Variants in NEU4 observed in about 807,000 individuals in gnomAD.
NEU4 encodes neuraminidase 4.
In NEU4, 7 loss-of-function variants were observed where a neutral mutation model predicts 9.9. That is an observed-to-expected ratio of 0.71 (90% confidence interval 0.40 to 1.33). The LOEUF (loss-of-function observed/expected upper bound fraction) is 1.33, where lower values mean the gene tolerates loss of function less well. NEU4 is among the 40% of genes most tolerant of loss of function. NEU4 has a pLI of 0.01. For synonymous variants in NEU4, 348 were observed against 316.9 expected (o/e 1.10, Z -1.04); for missense variants, 717 against 712.6 (o/e 1.01, Z -0.07).
Position 241,816,986 on chromosome 2 carries a change from C to A in NEU4, c.1393C>A (p.Pro465Thr), listed in dbSNP as rs749568717. The A allele has an allele frequency of 6.2e-7, 1 of 1,610,476 alleles. No homozygotes were observed. The highest frequency in any genetic ancestry group is 8.5e-7 in the Non-Finnish European group (1 of 1,178,912). The part of the protein sequence containing the change: ...FSLREVLENV[P>T]ASPKPPNLGD... ...CCTGCGTGAGGTCCTGGAGAACGTG[C>A]CCGCCAGCCCCAAACCGCCCAACCT... Residue 465 changes from proline (P) to threonine (T), a missense_variant, in exon 4 of 4, where the codon CCC (proline) becomes ACC (threonine). Physicochemically the swap from Pro to Thr is conservative, Grantham distance 38 (BLOSUM62 -1). Coordinates refer to ENST00000407683, the MANE Select transcript of NEU4 (RefSeq NM_001167600.3).
rs554980524 is a variant in NEU4, at chr2:241,816,205, C to G, written c.612C>G (p.Asp204Glu). Residue 204 changes from aspartate to glutamate, a missense_variant, in exon 4 of 4, where the codon GAC becomes GAG. Transcript: ENST00000407683. ...ACTCCTTCGCCTTCTACAGCGATGA[C>G]CACGGCCGCACCTGGCGCTGTGGAG... ...SPHSFAFYSD[D>E]HGRTWRCGGL... The G allele has an allele frequency of 3.1e-6, 5 of 1,612,548 alleles. No individual in the cohort carries two copies. In the African/African-American group the frequency reaches 6.7e-5, roughly 21 times the overall value.
At chr2:241,814,310 T>C in intron 1 of NEU4, 172 bp from the exon 2 acceptor site, 1 of 643,000 alleles carries the variant, frequency 1.6e-6, no homozygotes, top group South Asian at 1.9e-5. Context: ...GCTCCAGATC[T>C]GGGGTGAGGG....
chr2:241,815,748 A>C, intron 3 of NEU4: 1 of 570,336 alleles, frequency 1.8e-6, no homozygotes, highest in Non-Finnish European at 3.2e-6. Context: ...CACATGGCCA[A>C]CCCAGGGACC....
intron 3 of NEU4, 121 bp downstream of exon 3, chr2:241,815,268 C>G: frequency 8.2e-7 from 1 of 1,220,056 alleles, no homozygotes; most frequent in South Asian, 1.6e-5. Context: ...GGGAACCAAC[C>G]ATCCCTTTCC....
rs1700153531 is a variant in NEU4, at chr2:241,812,482, C to CT, written c.-3-2000_-3-1999insT. On this transcript the variant is annotated intron_variant, in intron 1 of 3. Coordinates refer to ENST00000407683, the MANE Select transcript of NEU4 (RefSeq NM_001167600.3). ...GGGGCTGGCCTCCGAGACAGAGGGG[C>CT]CTGCCGAGGACACGGAGGCTCTGTG... Among the ~76,000 whole-genome samples, 57 of 115,556 alleles carry CT rather than the reference C, an allele frequency of 4.9e-4. 1 individual carries two copies. Among genetic ancestry groups the CT allele is most frequent in the African/African-American group, 1.0e-3 (36 of 34,608 alleles). The allele number at this position is 115,556 out of a possible 152,430, so 75.8% of individuals were successfully genotyped here.
Position 241,814,565 on chromosome 2 carries a change from G to C in NEU4, c.81G>C (p.Leu27=). Residue 27 remains leucine (L), a synonymous_variant, in exon 2 of 4, where the codon CTG becomes CTC. Transcript: ENST00000407683. ...GCCTGACCTACCGCGTGCCCTCGCT[G>C]CTCCCCGTGCCCCCCGGGCCCACCC... ...RTGLTYRVPS[L]LPVPPGPTLL... The C allele has an allele frequency of 6.2e-7, 1 of 1,612,554 alleles. No individual in the cohort carries two copies. Among genetic ancestry groups the C allele is most frequent in the Non-Finnish European group, 8.5e-7 (1 of 1,179,874 alleles).
At position 241,814,475 on chromosome 2, in the gene NEU4, C is replaced by T. The variant is rs748290826; in HGVS notation, c.-3-7C>T. On this transcript the variant is annotated splice_polypyrimidine_tract_variant and splice_region_variant and intron_variant, in intron 1 of 3. Transcript: ENST00000407683. ...TTGCTGACCTGTGGCCCTGTACTGACCAGCAGAGCATGGGGGTCCCTCGTA... is the reference window on the plus strand; with the variant it reads ...TTGCTGACCTGTGGCCCTGTACTGATCAGCAGAGCATGGGGGTCCCTCGTA... The T allele has an allele frequency of 6.2e-7, 1 of 1,610,158 alleles. No homozygotes were observed. Among genetic ancestry groups the T allele is most frequent in the South Asian group, 1.1e-5 (1 of 90,764 alleles).
At chr2:241,815,809 GCAGCGCTCAC>G (rs1298015970) in intron 3 of NEU4, 1 of 595,804 alleles carries the variant, frequency 1.7e-6, no homozygotes, top group Admixed American at 3.0e-5. Context: ...CTCTGTGTGG[GCAGCGCTCAC>G]CAGCCTCCCT....
chr2:241,814,852 C>G, intron 2 of NEU4, 40 bp from the exon 3 acceptor site: 2 of 1,582,956 alleles, frequency 1.3e-6, no homozygotes, highest in Non-Finnish European at 1.7e-6. Context: ...TGCCCAGGTC[C>G]CTGGACGTCC....
intron 1 of NEU4, chr2:241,811,377 G>T: frequency 6.7e-7 from 1 of 1,494,322 alleles, no homozygotes; most frequent in Non-Finnish European, 9.0e-7. Context: ...CTGGCCTGCT[G>T]CCCGCACAGT....
chr2:241,816,875 G>C lies in NEU4; in HGVS notation c.1282G>C (p.Ala428Pro). 1 of 1,612,648 alleles carries C rather than the reference G, an allele frequency of 6.2e-7. No homozygotes were observed. The highest frequency in any genetic ancestry group is 8.5e-7 in the Non-Finnish European group (1 of 1,179,876). ...GYSDLASIGP[A>P]PEGGLVFACL... ...CTCCGACCTGGCGTCCATCGGGCCG[G>C]CCCCTGAGGGGGGCCTGGTTTTTGC... Residue 428 changes from alanine to proline, a missense_variant, in exon 4 of 4, where the codon GCC becomes CCC. Ala to Pro is a conservative substitution (Grantham distance 27). Coordinates refer to ENST00000407683, the MANE Select transcript of NEU4 (RefSeq NM_001167600.3).
intron 3 of NEU4, chr2:241,815,774 A>T: frequency 1.7e-6 from 1 of 584,510 alleles, no homozygotes; most frequent in South Asian, 2.0e-5. Context: ...GCAGGGCCTC[A>T]TGCCCCCCGC....
At chr2:241,810,138 A>C (rs2125206955) in intron 1 of NEU4, among the ~76,000 whole-genome samples, 1 of 152,208 alleles carries the variant, frequency 6.6e-6, no homozygotes, top group South Asian at 2.1e-4. Context: ...TGTGAGCAGG[A>C]GGATGTGTAC....
Position 241,817,256 on chromosome 2 carries a change from G to T in NEU4, c.*208G>T. 1 of 518,286 alleles carries T rather than the reference G, an allele frequency of 1.9e-6. No individual in the cohort carries two copies. The highest frequency in any genetic ancestry group is 3.3e-6 in the Non-Finnish European group (1 of 303,208). The allele number at this position is 518,286 out of a possible 1,614,324, so 32.1% of individuals were successfully genotyped here. Reference sequence around the variant, plus strand: ...GTGAGCAGGGCAGGGTGGGGGCAGGGTGGGGGCACGAAGTGGGCCCTGGGT... The same window carrying T: ...GTGAGCAGGGCAGGGTGGGGGCAGGTTGGGGGCACGAAGTGGGCCCTGGGT... On this transcript the variant is annotated 3_prime_UTR_variant, in exon 4 of 4. Transcript: ENST00000407683.
chr2:241,811,181 C>T, intron 1 of NEU4: 1 of 1,230,958 alleles, frequency 8.1e-7, no homozygotes, highest in East Asian at 3.2e-5. Context: ...AGGGCGCACC[C>T]CCGTGTCCTC....
Position 241,817,140 on chromosome 2 carries a change from C to G in NEU4, c.*92C>G. ...CCCCACGATAGCTGTGGGGGGGGCT[C>G]TTAGTGCAGGATCCTGTGGATTAGA... On this transcript the variant is annotated 3_prime_UTR_variant, in exon 4 of 4. Coordinates refer to ENST00000407683, the MANE Select transcript of NEU4 (RefSeq NM_001167600.3). 1.5e-6 allele frequency: 2 copies of G among 1,331,554 alleles called. No homozygotes were observed. The highest frequency in any genetic ancestry group is 2.0e-6 in the Non-Finnish European group (2 of 1,001,448). 82.5% of individuals were successfully genotyped at this position (1,331,554 alleles called of 1,614,324 possible).
rs544245400 is a variant in NEU4, at chr2:241,811,709, C to T, written c.-4+2435C>T. Reference sequence around the variant, plus strand: ...TCTCCCAATGGGACACTTACCTGGCCCACAGGGTGGGTGTGACACTGAGGG... The same window carrying T: ...TCTCCCAATGGGACACTTACCTGGCTCACAGGGTGGGTGTGACACTGAGGG... On this transcript the variant is annotated intron_variant, in intron 1 of 3. Coordinates refer to ENST00000407683, the MANE Select transcript of NEU4 (RefSeq NM_001167600.3). 1.0e-4 allele frequency: 41 copies of T among 395,556 alleles called. No individual in the cohort carries two copies. In the South Asian group the frequency reaches 5.1e-3, roughly 49 times the overall value. 24.5% of individuals were successfully genotyped at this position (395,556 alleles called of 1,614,324 possible). A position where few individuals can be genotyped will look rare whatever the true frequency, so the allele number is the denominator to read the frequency against.
At position 241,816,869 on chromosome 2, in the gene NEU4, G is replaced by C. The variant is rs370021042; in HGVS notation, c.1276G>C (p.Gly426Arg). Residue 426 changes from glycine to arginine, a missense_variant, in exon 4 of 4, where the codon GGG becomes CGG. Transcript: ENST00000407683. Reference protein sequence around the residue: ...PSGYSDLASIGPAPEGGLVFA... With the variant: ...PSGYSDLASIRPAPEGGLVFA... Reference sequence around the variant, plus strand: ...CGGCTACTCCGACCTGGCGTCCATCGGGCCGGCCCCTGAGGGGGGCCTGGT... The same window carrying C: ...CGGCTACTCCGACCTGGCGTCCATCCGGCCGGCCCCTGAGGGGGGCCTGGT... The C allele has an allele frequency of 1.9e-6, 3 of 1,612,384 alleles. No individual in the cohort carries two copies. The highest frequency in any genetic ancestry group is 1.6e-4 in the Middle Eastern group (1 of 6,078).
intron 3 of NEU4, 50 bp downstream of exon 3, chr2:241,815,197 CAT>C: frequency 6.7e-7 from 1 of 1,487,714 alleles, no homozygotes; most frequent in Non-Finnish European, 8.9e-7. Flanking sequence ...CCACGGTCCA[CAT>C]GGAAGGGAGA....
Sources: allele counts gnomAD v4.1 joint callset (sites outside exome capture counted in the v4.1 genomes callset), GRCh38; gene constraint gnomAD v4.1.1; transcripts MANE v1.5; gene names NCBI Gene and HGNC (gene_info 2026-07-23, HGNC 2026-07-21).